The following PRKCA variants were observed in gnomAD, a reference collection of about 807,000 sequenced individuals.
The protein encoded by PRKCA is protein kinase C alpha.
In PRKCA, 27 loss-of-function variants were observed where a neutral mutation model predicts 87.0. That is an observed-to-expected ratio of 0.31 (90% CI 0.23 to 0.43). The LOEUF is 0.43. PRKCA is among the 20% of genes least tolerant of loss of function. The pLI is 1.00. For synonymous variants in PRKCA, 329 were observed against 311.1 expected, an observed-to-expected ratio of 1.06 and a Z score of -0.61; for missense variants, 518 against 852.3, an observed-to-expected ratio of 0.61 and a Z score of 4.88.
chr17:66,571,639 T>C (rs1189395523), intron 3 of PRKCA, among the ~76,000 whole-genome samples: 2 of 152,216 alleles, frequency 1.3e-5, no homozygotes, highest in East Asian at 3.8e-4. Flanking sequence ...CCTCAATCAA[T>C]GTTTTAGAAA....
At chr17:66,548,239 C>A (rs960093105) in intron 3 of PRKCA, among the ~76,000 whole-genome samples, 4 of 152,174 alleles carry the variant, frequency 2.6e-5, no homozygotes, top group African/African-American at 9.7e-5. Flanking sequence ...AAAAAATTTA[C>A]TGAGATGATG....
chr17:66,794,420 T>A (rs977808056), intron 16 of PRKCA, among the ~76,000 whole-genome samples: 2 of 151,742 alleles, frequency 1.3e-5, no homozygotes, highest in Admixed American at 1.3e-4. Context: ...GAGAGCTTGA[T>A]GATCATTTAA....
chr17:66,344,135 C>T (rs919490218), intron 2 of PRKCA, among the ~76,000 whole-genome samples: 1 of 152,044 alleles, frequency 6.6e-6, no homozygotes, highest in African/African-American at 2.4e-5. Context: ...GTCATAGGCT[C>T]GTAAAGCAGA....
intron 3 of PRKCA, among the ~76,000 whole-genome samples, chr17:66,518,400 G>T (rs367578487): frequency 6.6e-6 from 1 of 152,172 alleles, no homozygotes; most frequent in Non-Finnish European, 1.5e-5. Context: ...CTCCTGTTTC[G>T]TAAGATATTC....
chr17:66,424,540 C>T (rs1035408459), intron 2 of PRKCA, among the ~76,000 whole-genome samples: 1 of 141,534 alleles, frequency 7.1e-6, no homozygotes, highest in African/African-American at 2.7e-5. Context: ...GCACTATAGC[C>T]GAGGCAGCAG....
chr17:66,404,283 A>G (rs1048959320), intron 2 of PRKCA: 1 of 152,206 alleles, frequency 6.6e-6, no homozygotes, highest in African/African-American at 2.4e-5. Flanking sequence ...TCTTGCTAGA[A>G]AAGCCTCTAC....
rs1195474204 is a variant in PRKCA at position 66,550,417 on chromosome 17, G to A, written c.288+54134G>A. On this transcript the variant is annotated intron_variant, in intron 3 of 16. Coordinates refer to ENST00000413366, the MANE Select transcript of PRKCA (RefSeq NM_002737.3). ...TGTAATCCCAACACTTTGGGAGGCC[G>A]AGGCAGGTAGATCACCTGAGTTCAG... Among the ~76,000 whole-genome samples the A allele has an allele frequency of 3.3e-5, 5 of 152,238 alleles. No homozygotes were observed. The East Asian group carries it at 7.8e-4, about 24-fold the overall frequency.
At chr17:66,675,335 C>T (rs1401244799) in intron 5 of PRKCA, among the ~76,000 whole-genome samples, 1 of 152,168 alleles carries the variant, frequency 6.6e-6, no homozygotes, top group African/African-American at 2.4e-5. Context: ...CCAAAGGCCC[C>T]TCCTCTTAAT....
chr17:66,469,008 G>A (rs1040477365), intron 2 of PRKCA, among the ~76,000 whole-genome samples: 3 of 152,142 alleles, frequency 2.0e-5, no homozygotes, highest in Admixed American at 1.3e-4. Flanking sequence ...GAAGGCCATG[G>A]ACTCTGAGAA....
chr17:66,530,619 C>A (rs1238079574), intron 3 of PRKCA, among the ~76,000 whole-genome samples: 3 of 152,112 alleles, frequency 2.0e-5, no homozygotes, highest in Admixed American at 2.0e-4. Flanking sequence ...GTGTTGGCTT[C>A]CAAACCTTCC....
chr17:66,578,299 A>C (rs1231468554), intron 3 of PRKCA, among the ~76,000 whole-genome samples: 1 of 152,108 alleles, frequency 6.6e-6, no homozygotes, highest in African/African-American at 2.4e-5. Context: ...GCTTCCGCAC[A>C]TGGTCATGTC....
At chr17:66,784,648 T>C (rs777826176) in intron 14 of PRKCA, among the ~76,000 whole-genome samples, 3 of 152,208 alleles carry the variant, frequency 2.0e-5, no homozygotes, top group African/African-American at 4.8e-5. Context: ...TATCATAAAA[T>C]AGATGTCCAG....
chr17:66,394,779 G>A (rs1910563788), intron 2 of PRKCA, among the ~76,000 whole-genome samples: 1 of 152,132 alleles, frequency 6.6e-6, no homozygotes, highest in Non-Finnish European at 1.5e-5. Context: ...CACGAGATCT[G>A]ATGGTTCTAT....
intron 13 of PRKCA, among the ~76,000 whole-genome samples, chr17:66,747,894 G>T (rs1005480639): frequency 3.3e-5 from 5 of 152,224 alleles, no homozygotes; most frequent in Non-Finnish European, 5.9e-5. Context: ...GGTGCCCCCC[G>T]AGTGCTGGGC....
intron 3 of PRKCA, among the ~76,000 whole-genome samples, chr17:66,545,796 T>C (rs189722409): frequency 2.5e-4 from 38 of 152,290 alleles, no homozygotes; most frequent in African/African-American, 8.7e-4. Context: ...AATCCAAGTG[T>C]TTAGTGAATG....
In PRKCA at chr17:66,671,209, CAAAAAA is replaced by C. The variant is rs778507190; in HGVS notation, c.530-15883_530-15878del. ...CCAGGAGACAGTGGGAGACTCATCT[CAAAAAA>C]AAAAAAAAAAAAAAAAAAGACTGAA... On this transcript the variant is annotated intron_variant, in intron 5 of 16. Transcript: ENST00000413366. 3.1e-3 allele frequency among the ~76,000 whole-genome samples: 152 copies of C among 48,456 alleles called. 1 individual carries two copies. The highest frequency in any genetic ancestry group is 0.013 in the African/African-American group (144 of 11,026). The allele number at this position is 48,456 out of a possible 152,430, so 31.8% of individuals were successfully genotyped here.
At chr17:66,394,788 A>G (rs778586949) in intron 2 of PRKCA, among the ~76,000 whole-genome samples, 26 of 152,066 alleles carry the variant, frequency 1.7e-4, no homozygotes, top group Non-Finnish European at 3.4e-4. Flanking sequence ...TGATGGTTCT[A>G]TATAAGGGGC....
chr17:66,360,912 G>C (rs1318285697), intron 2 of PRKCA, among the ~76,000 whole-genome samples: 1 of 151,972 alleles, frequency 6.6e-6, no homozygotes, highest in African/African-American at 2.4e-5. Context: ...ATTTCTTTTG[G>C]TTGAAGGAAT....
rs190137095 is a variant in PRKCA, at chr17:66,810,655, C to G, written c.*6618C>G. 6.6e-6 allele frequency: 1 copy of G among 152,026 alleles called. No individual in the cohort carries two copies. The highest frequency in any genetic ancestry group is 1.5e-5 in the Non-Finnish European group (1 of 68,000). 9.4% of individuals were successfully genotyped at this position (152,026 alleles called of 1,614,324 possible). ...TGCTTTTTTTTTCAGTTTGTATAAC[C>G]TCTAATCTCCGTTTGCATGATACGC... On this transcript the variant is annotated 3_prime_UTR_variant, in exon 17 of 17. Transcript: ENST00000413366.
Sources: allele counts gnomAD v4.1 joint callset (sites outside exome capture counted in the v4.1 genomes callset), GRCh38; gene constraint gnomAD v4.1.1; transcripts MANE v1.5; gene names NCBI Gene and HGNC (gene_info 2026-07-23, HGNC 2026-07-21).